GRM5: variants seen among roughly 807,000 people sequenced by gnomAD.
The protein encoded by GRM5 is glutamate metabotropic receptor 5.
A neutral mutation model predicts 83.1 loss-of-function variants in GRM5; 19 were observed. The observed-to-expected ratio is 0.23, with a 90% CI of 0.16 to 0.34. The LOEUF is 0.34. Among genes scored for constraint, GRM5 ranks in the 10% least tolerant of loss-of-function variants. The pLI is 1.00. For synonymous variants in GRM5, 675 were observed against 633.6 expected (o/e 1.07, Z -0.98); for missense variants, 1,160 against 1,588.3 (o/e 0.73, Z 4.58).
intron 3 of GRM5, among the ~76,000 whole-genome samples, chr11:88,677,033 T>G (rs1940347989): frequency 6.6e-6 from 1 of 152,058 alleles, no homozygotes; most frequent in African/African-American, 2.4e-5. Context: ...AGTAATAGGA[T>G]GAAAGGTTGT....
chr11:89,064,888 C>CTCTGTGTGTGTGTG (rs1218318990), intron 1 of GRM5, among the ~76,000 whole-genome samples: 28 of 62,252 alleles, frequency 4.5e-4, no homozygotes, highest in African/African-American at 1.8e-3. Context: ...CTCTCTCTCT[C>CTCTGTGTGTGTGTG]TGTGTGTGTG....
intron 3 of GRM5, among the ~76,000 whole-genome samples, chr11:88,768,269 A>G (rs927038990): frequency 1.3e-5 from 2 of 152,070 alleles, no homozygotes; most frequent in Non-Finnish European, 2.9e-5. Flanking sequence ...AACCTTAAAA[A>G]GAAGGAATTT....
chr11:88,889,110 T>G (rs148877823), intron 2 of GRM5, among the ~76,000 whole-genome samples: 27 of 152,284 alleles, frequency 1.8e-4, no homozygotes, highest in African/African-American at 6.5e-4. Flanking sequence ...CAAAATATCT[T>G]AAGCACTAAT....
chr11:89,019,168 C>T (rs563437257), intron 2 of GRM5, among the ~76,000 whole-genome samples: 1 of 152,228 alleles, frequency 6.6e-6, no homozygotes. Flanking sequence ...GAATGTCCTT[C>T]CATTGGGATT....
intron 8 of GRM5, among the ~76,000 whole-genome samples, chr11:88,545,790 C>T (rs567684140): frequency 2.5e-4 from 38 of 152,112 alleles, no homozygotes; most frequent in Admixed American, 4.6e-4. Context: ...ATTCTATCTA[C>T]AGAAACCAGA....
intron 3 of GRM5, among the ~76,000 whole-genome samples, chr11:88,753,532 G>A (rs990665484): frequency 6.6e-6 from 1 of 152,090 alleles, no homozygotes; most frequent in Admixed American, 6.6e-5. Flanking sequence ...TAAAGACCTA[G>A]AGGCAGAAAT....
chr11:88,841,961 A>G (rs1238620798), intron 3 of GRM5, among the ~76,000 whole-genome samples: 1 of 152,206 alleles, frequency 6.6e-6, no homozygotes, highest in African/African-American at 2.4e-5. Context: ...GATCATTGCA[A>G]TATCAATAGG....
chr11:88,913,672 T>A (rs1463246135), intron 2 of GRM5, among the ~76,000 whole-genome samples: 2 of 149,468 alleles, frequency 1.3e-5, no homozygotes, highest in African/African-American at 4.9e-5. Context: ...CTCCAACCTC[T>A]GCCTCCCAGG....
chr11:88,513,408 T>A (rs1008897797), intron 9 of GRM5, among the ~76,000 whole-genome samples: 1 of 152,230 alleles, frequency 6.6e-6, no homozygotes, highest in African/African-American at 2.4e-5. Context: ...ATTAAGTTTT[T>A]AAAATAATTC....
chr11:88,520,955 C>A (rs966220820), intron 9 of GRM5, among the ~76,000 whole-genome samples: 1 of 152,148 alleles, frequency 6.6e-6, no homozygotes, highest in Non-Finnish European at 1.5e-5. Context: ...AATAATAATT[C>A]TCTTTTTGTT....
chr11:88,879,370 A>G (rs1202796238), intron 2 of GRM5, among the ~76,000 whole-genome samples: 1 of 151,780 alleles, frequency 6.6e-6, no homozygotes, highest in Non-Finnish European at 1.5e-5. Context: ...AATTTTTTAC[A>G]TTGGGAAAAT....
intron 2 of GRM5, among the ~76,000 whole-genome samples, chr11:88,871,710 T>C (rs553648839): frequency 1.3e-5 from 2 of 151,614 alleles, no homozygotes; most frequent in Non-Finnish European, 3.0e-5. Context: ...AGGAAGTTTT[T>C]ATTCATGTAA....
chr11:88,791,667 C>G (rs1028223954), intron 3 of GRM5, among the ~76,000 whole-genome samples: 6 of 151,866 alleles, frequency 4.0e-5, no homozygotes, highest in African/African-American at 1.5e-4. Context: ...ACAATATATA[C>G]TGAAGTATAT....
intron 3 of GRM5, among the ~76,000 whole-genome samples, chr11:88,800,223 T>C (rs544626140): frequency 6.6e-6 from 1 of 152,292 alleles, no homozygotes; most frequent in East Asian, 1.9e-4. Flanking sequence ...AAAGTTGCTC[T>C]AAAAATTAGT....
At chr11:88,755,912 G>A (rs756735846) in intron 3 of GRM5, among the ~76,000 whole-genome samples, 8 of 152,078 alleles carry the variant, frequency 5.3e-5, no homozygotes, top group Non-Finnish European at 1.0e-4. Flanking sequence ...CTAACTACAG[G>A]TCCAGTGATG....
intron 2 of GRM5, among the ~76,000 whole-genome samples, chr11:88,996,648 A>C (rs1940194553): frequency 6.6e-6 from 1 of 152,224 alleles, no homozygotes; most frequent in Non-Finnish European, 1.5e-5. Context: ...ATATAGACAA[A>C]CATATCTAGT....
chr11:88,793,688 G>C (rs1190029072), intron 3 of GRM5, among the ~76,000 whole-genome samples: 1 of 152,110 alleles, frequency 6.6e-6, no homozygotes. Context: ...AACTATAATA[G>C]TTTCAGAACA....
chr11:88,876,876 C>T (rs967294768), intron 2 of GRM5, among the ~76,000 whole-genome samples: 3 of 151,982 alleles, frequency 2.0e-5, no homozygotes, highest in African/African-American at 7.3e-5. Context: ...TGGAGTACTA[C>T]TCAGCCATAA....
In GRM5 at chr11:88,583,681, T is replaced by C. The variant is rs1032753819; in HGVS notation, c.1690+6920A>G. 4.7e-4 allele frequency among the ~76,000 whole-genome samples: 71 copies of C among 152,202 alleles called. 2 individuals carry two copies. Among genetic ancestry groups the C allele is most frequent in the African/African-American group, 1.7e-3 (71 of 41,462 alleles). ...AGATCTTTAGAGCTCTTACTACTTA[T>C]ATCTCCTCCTAAATTCTTTGATACA... is the stretch of plus-strand genomic sequence containing the variant. On this transcript the variant is annotated intron_variant, in intron 7 of 9. Transcript: ENST00000305447.
Sources: gnomAD v4.1 joint callset for allele counts (sites outside exome capture counted in the v4.1 genomes callset) on GRCh38, gnomAD v4.1.1 for gene constraint, MANE v1.5 for transcripts, NCBI Gene and HGNC (gene_info 2026-07-23, HGNC 2026-07-21) for gene names.